FOXP2: variants seen among roughly 807,000 people sequenced by gnomAD.
The protein encoded by FOXP2 is forkhead box P2, also known as forkhead box protein P2.
Under a neutral mutation model 115.8 loss-of-function variants are expected in FOXP2, and 12 were observed. The ratio of observed to expected loss-of-function variants is 0.10; its 90% confidence interval spans 0.07 to 0.17. The LOEUF is 0.17. Ranked by LOEUF, FOXP2 falls within the 10% of genes least tolerant of loss-of-function variation. The pLI is 1.00. For missense variants in FOXP2, 629 were observed against 843.5 expected (o/e 0.75, Z 3.15); for synonymous variants, 328 against 297.7 (o/e 1.10, Z -1.05).
At chr7:114,619,576 T>A (rs1804129530) in intron 3 of FOXP2, among the ~76,000 whole-genome samples, 1 of 152,098 alleles carries the variant, frequency 6.6e-6, no homozygotes, top group South Asian at 2.1e-4. Context: ...CATAAAATGT[T>A]GCTAGGTTTT....
intron 1 of FOXP2, among the ~76,000 whole-genome samples, chr7:114,179,384 T>C (rs1793399064): frequency 6.6e-6 from 1 of 151,998 alleles, no homozygotes; most frequent in Admixed American, 6.6e-5. Flanking sequence ...TGTTTTCTAG[T>C]AGATTTTAAG....
intron 1 of FOXP2, among the ~76,000 whole-genome samples, chr7:114,112,457 C>A (rs1481387456): frequency 6.6e-6 from 1 of 151,980 alleles, no homozygotes; most frequent in African/African-American, 2.4e-5. Flanking sequence ...GCCACCAATG[C>A]CTGGCTAATT....
chr7:114,200,111 C>T (rs1794021538), intron 1 of FOXP2, among the ~76,000 whole-genome samples: 1 of 152,112 alleles, frequency 6.6e-6, no homozygotes, highest in South Asian at 2.1e-4. Flanking sequence ...AATCAGCCCT[C>T]AATTAATTCT....
At chr7:114,603,664 AT>A (rs1166001178) in intron 3 of FOXP2, among the ~76,000 whole-genome samples, 4 of 152,176 alleles carry the variant, frequency 2.6e-5, no homozygotes, top group Non-Finnish European at 5.9e-5. Flanking sequence ...AATTTCAGTG[AT>A]TTTTCAATAA....
Position 114,167,106 on chromosome 7 carries a change from G to GT in FOXP2, c.-102+4019dup, listed in dbSNP as rs138765404. On this transcript the variant is annotated intron_variant, in intron 1 of 17. Coordinates refer to the FOXP2 transcript ENST00000634411. ...GTTGAACTCCAAATTAGCTGAAAAC[G>GT]TAAGTCCACACAAAAACTTGCACTA... Among the ~76,000 whole-genome samples, 48 of 152,264 alleles carry GT rather than the reference G, an allele frequency of 3.2e-4. 1 individual carries two copies. The highest frequency in any genetic ancestry group is 1.1e-3 in the African/African-American group (45 of 41,564).
At chr7:114,612,031 AT>A (rs1258789726) in intron 3 of FOXP2, among the ~76,000 whole-genome samples, 1 of 152,186 alleles carries the variant, frequency 6.6e-6, no homozygotes, top group African/African-American at 2.4e-5. Flanking sequence ...ACTCTATAAA[AT>A]TTAATTATAT....
At chr7:114,137,048 T>C (rs928529920) in intron 1 of FOXP2, among the ~76,000 whole-genome samples, 1 of 152,036 alleles carries the variant, frequency 6.6e-6, no homozygotes, top group African/African-American at 2.4e-5. Context: ...GCTGTATGAG[T>C]TTGCCTTTCA....
At chr7:114,179,559 A>G (rs986190180) in intron 1 of FOXP2, among the ~76,000 whole-genome samples, 2 of 151,968 alleles carry the variant, frequency 1.3e-5, no homozygotes, top group African/African-American at 2.4e-5. Context: ...ATTGATTTCA[A>G]TATTGTTTTT....
intron 1 of FOXP2, among the ~76,000 whole-genome samples, chr7:114,095,300 CT>C (rs1204162836): frequency 6.6e-6 from 1 of 152,006 alleles, no homozygotes; most frequent in East Asian, 1.9e-4. Context: ...AAATCTAAAG[CT>C]ATTTGTATAA....
chr7:114,174,179 T>C (rs1793225386), intron 1 of FOXP2, among the ~76,000 whole-genome samples: 1 of 152,014 alleles, frequency 6.6e-6, no homozygotes, highest in Non-Finnish European at 1.5e-5. Flanking sequence ...TGTATATATG[T>C]GTTTGTACTC....
intron 3 of FOXP2, among the ~76,000 whole-genome samples, chr7:114,585,414 A>G (rs1235611474): frequency 3.3e-5 from 5 of 152,176 alleles, no homozygotes; most frequent in African/African-American, 7.2e-5. Flanking sequence ...AGTGTGTTCT[A>G]TGGGCCAACC....
chr7:114,271,356 T>G (rs1229026254), intron 1 of FOXP2, among the ~76,000 whole-genome samples: 1 of 150,226 alleles, frequency 6.7e-6, no homozygotes, highest in Non-Finnish European at 1.5e-5. Flanking sequence ...TGCCTTGCAA[T>G]GGATATTAGT....
At chr7:114,098,073 A>G (rs764894480) in intron 1 of FOXP2, among the ~76,000 whole-genome samples, 1 of 152,242 alleles carries the variant, frequency 6.6e-6, no homozygotes, top group Admixed American at 6.5e-5. Context: ...AGTGGGGATA[A>G]CAAGAGAGGT....
intron 2 of FOXP2, among the ~76,000 whole-genome samples, chr7:114,504,402 C>A (rs1362206755): frequency 6.6e-6 from 1 of 151,584 alleles, no homozygotes; most frequent in Non-Finnish European, 1.5e-5. Context: ...GTAGATTATA[C>A]TCCCAGCAAC....
Position 114,294,863 on chromosome 7 carries a change from AATAC to A in FOXP2, c.-11+6785_-11+6788del, listed in dbSNP as rs1334023195. 1.4e-3 allele frequency among the ~76,000 whole-genome samples: 206 copies of A among 150,312 alleles called. 2 individuals carry two copies. The highest frequency in any genetic ancestry group is 4.8e-3 in the African/African-American group (192 of 40,128). On this transcript the variant is annotated intron_variant, in intron 2 of 17. Transcript: ENST00000634411. ...CTCAAAATAAATAAATAAATAAATA[AATAC>A]ATACATACATACATACATACATACA...
chr7:114,560,779 A>G (rs193274820), intron 3 of FOXP2, among the ~76,000 whole-genome samples: 2 of 152,346 alleles, frequency 1.3e-5, no homozygotes, highest in East Asian at 3.9e-4. Flanking sequence ...CCAAAAAGCT[A>G]TTAACATTTA....
rs561515902 is a variant in FOXP2 at position 114,496,764 on chromosome 7, C to T, written c.169-37853C>T. Among the ~76,000 whole-genome samples, 588 of 152,242 alleles carry T rather than the reference C, an allele frequency of 3.9e-3. 4 individuals carry two copies. The highest frequency in any genetic ancestry group is 6.4e-3 in the Non-Finnish European group (434 of 67,990). The stretch of plus-strand genomic sequence containing the variant: ...TTATTGAATGATCTTATAACCATTT[C>T]TCTCCTTCCTGTACTGTTATTTATA... On this transcript the variant is annotated intron_variant, in intron 2 of 16. Transcript: ENST00000350908.
intron 1 of FOXP2, among the ~76,000 whole-genome samples, chr7:114,118,793 A>G (rs914933872): frequency 1.3e-5 from 2 of 152,150 alleles, no homozygotes; most frequent in Non-Finnish European, 2.9e-5. Context: ...TCTCATAAGT[A>G]CAGTTACAGA....
At chr7:114,386,967 A>G (rs1250827081) in intron 2 of FOXP2, among the ~76,000 whole-genome samples, 2 of 152,232 alleles carry the variant, frequency 1.3e-5, no homozygotes, top group South Asian at 2.1e-4. Context: ...ACATTTAAAC[A>G]TGATTGGAGA....
Sources: gnomAD v4.1 joint callset for allele counts (sites outside exome capture counted in the v4.1 genomes callset) on GRCh38, gnomAD v4.1.1 for gene constraint, MANE v1.5 for transcripts, NCBI Gene and HGNC (gene_info 2026-07-23, HGNC 2026-07-21) for gene names.